The following GTF2IRD1 variants were observed in gnomAD, a reference collection of about 807,000 sequenced individuals.
GTF2IRD1 encodes the protein GTF2I repeat domain containing 1.
Under a neutral mutation model 113.2 loss-of-function variants are expected in GTF2IRD1, and 26 were observed. The ratio of observed to expected loss-of-function variants is 0.23; its 90% CI spans 0.17 to 0.32. GTF2IRD1 has a LOEUF of 0.32. Among genes scored for constraint, GTF2IRD1 ranks in the 10% least tolerant of loss-of-function variants. The pLI is 1.00. For synonymous variants in GTF2IRD1, 484 were observed against 529.1 expected (o/e 0.91, Z 1.17); for missense variants, 864 against 1,280.8 (o/e 0.67, Z 4.97).
At chr7:74,546,540 C>G (rs1346624586) in intron 16 of GTF2IRD1, among the ~76,000 whole-genome samples, 2 of 152,096 alleles carry the variant, frequency 1.3e-5, no homozygotes, top group Non-Finnish European at 2.9e-5. Context: ...TCTTGTATCC[C>G]ATCTCACAAA....
intron 10 of GTF2IRD1, 136 bp from the exon 11 acceptor site, chr7:74,536,031 C>T (rs41272924): frequency 0.1 from 59,738 of 594,562 alleles, 3,821 homozygotes; most frequent in Non-Finnish European, 0.13. Flanking sequence ...CTGGACGTGG[C>T]GCCCACAAGG....
intron 22 of GTF2IRD1, among the ~76,000 whole-genome samples, chr7:74,561,814 A>C (rs1799981929): frequency 1.3e-5 from 2 of 152,146 alleles, no homozygotes; most frequent in Admixed American, 6.6e-5. Flanking sequence ...AGCAGAGTGC[A>C]GACAGAGGAG....
intron 25 of GTF2IRD1, 77 bp downstream of exon 25, chr7:74,595,128 G>A (rs782168560): frequency 4.2e-5 from 43 of 1,033,014 alleles, no homozygotes; most frequent in Non-Finnish European, 5.5e-5. Flanking sequence ...AGGTAGACCC[G>A]GGCGCAGTGG....
intron 22 of GTF2IRD1, among the ~76,000 whole-genome samples, chr7:74,581,560 C>T (rs1197200148): frequency 2.0e-5 from 3 of 152,194 alleles, no homozygotes; most frequent in Non-Finnish European, 2.9e-5. Context: ...CAAAGGTGAC[C>T]GGGCATGCTG....
chr7:74,521,172 C>T (rs782524582), intron 6 of GTF2IRD1, 36 bp from the exon 7 acceptor site: 19 of 1,284,984 alleles, frequency 1.5e-5, no homozygotes, highest in Middle Eastern at 3.7e-4. Context: ...CTCTTGGGTC[C>T]CACCTGGAAC....
intron 22 of GTF2IRD1, among the ~76,000 whole-genome samples, chr7:74,589,214 G>A (rs1801906174): frequency 1.3e-5 from 2 of 152,102 alleles, no homozygotes; most frequent in Non-Finnish European, 2.9e-5. Context: ...TAAAAAATTA[G>A]GCATGGTGGC....
chr7:74,460,163 G>A (rs1464921600), intron 1 of GTF2IRD1, among the ~76,000 whole-genome samples: 1 of 152,082 alleles, frequency 6.6e-6, no homozygotes, highest in African/African-American at 2.4e-5. Context: ...TTTTGGTGGA[G>A]ATGGGGTTTC....
At chr7:74,488,172 A>T (rs1166380139) in intron 1 of GTF2IRD1, among the ~76,000 whole-genome samples, 1 of 152,158 alleles carries the variant, frequency 6.6e-6, no homozygotes, top group Admixed American at 6.5e-5. Context: ...GGTCCCAGCT[A>T]CTCAGGAGGC....
intron 22 of GTF2IRD1, among the ~76,000 whole-genome samples, chr7:74,577,529 A>G (rs587658897): frequency 6.6e-6 from 1 of 152,338 alleles, no homozygotes; most frequent in Admixed American, 6.5e-5. Flanking sequence ...CAATAGCATC[A>G]TCGTACTTAT....
intron 22 of GTF2IRD1, among the ~76,000 whole-genome samples, chr7:74,587,904 G>A (rs1286045732): frequency 6.6e-6 from 1 of 152,034 alleles, no homozygotes; most frequent in Non-Finnish European, 1.5e-5. Flanking sequence ...GAGAATGCAC[G>A]GCCCCCACAC....
Position 74,601,134 on chromosome 7 carries a change from C to T in GTF2IRD1, c.2720C>T (p.Ser907Phe). ...SSSSSSSSSSSSNPDSVASAN... is the reference protein window; with the variant it reads ...SSSSSSSSSSFSNPDSVASAN... ...TCCTCCTCGTCTTCCTCTTCCTCGT[C>T]CTCTAACCCGGATTCAGTGGCATCG... is the stretch of plus-strand genomic sequence containing the variant. Residue 907 changes from serine to phenylalanine, a missense_variant, in exon 26 of 27, where the codon TCC becomes TTC. Ser to Phe is a radical substitution (Grantham distance 155). Around this residue, in one of 7 missense-constraint regions of GTF2IRD1, gnomAD observed 55 missense variants for 52.2 expected, o/e 1.05. Coordinates refer to ENST00000424337, the MANE Select transcript of GTF2IRD1 (RefSeq NM_005685.4). 6.2e-7 allele frequency: 1 copy of T among 1,611,870 alleles called. No individual in the cohort carries two copies. Among genetic ancestry groups the T allele is most frequent in the South Asian group, 1.1e-5 (1 of 90,766 alleles).
intron 22 of GTF2IRD1, among the ~76,000 whole-genome samples, chr7:74,582,199 C>G (rs782073945): frequency 1.3e-5 from 2 of 152,156 alleles, no homozygotes; most frequent in Non-Finnish European, 2.9e-5. Context: ...CTGTTCAGAT[C>G]GAGACGTTGC....
At chr7:74,598,971 C>T (rs1554373170) in intron 25 of GTF2IRD1, among the ~76,000 whole-genome samples, 1 of 152,162 alleles carries the variant, frequency 6.6e-6, no homozygotes, top group Non-Finnish European at 1.5e-5. Context: ...GCCCCATGGA[C>T]CCAGCCTGCC....
At chr7:74,507,065 A>T (rs1554341267) in intron 1 of GTF2IRD1, 1 of 152,176 alleles carries the variant, frequency 6.6e-6, no homozygotes, top group Non-Finnish European at 1.5e-5. Flanking sequence ...TGATGCAGAA[A>T]TGTGACGGCA....
chr7:74,570,446 A>C (rs1269116612), intron 22 of GTF2IRD1, among the ~76,000 whole-genome samples: 1 of 151,764 alleles, frequency 6.6e-6, no homozygotes, highest in Non-Finnish European at 1.5e-5. Context: ...GATTGCTTGA[A>C]GCCAGGAGAC....
At chr7:74,515,405 T>C in intron 3 of GTF2IRD1, 36 bp from the exon 4 acceptor site, 2 of 1,554,388 alleles carry the variant, frequency 1.3e-6, no homozygotes, top group Non-Finnish European at 1.7e-6. Flanking sequence ...GTGAGACGGG[T>C]GCTCACTGTG....
rs1400247016 is a variant in GTF2IRD1, at chr7:74,508,026, C to T, written c.-6-49C>T. ...TGGGGTGGGCAGCCACCATATGAGA[C>T]AAGCCCCCTGCCTTGTGCCCACCAC... On this transcript the variant is annotated intron_variant, in intron 1 of 26. Transcript: ENST00000424337. 1.1e-5 allele frequency: 18 copies of T among 1,566,718 alleles called. No homozygotes were observed. In the South Asian group the frequency reaches 1.3e-4, roughly 11 times the overall value.
At chr7:74,498,203 C>G (rs1486030993) in intron 1 of GTF2IRD1, among the ~76,000 whole-genome samples, 4 of 149,058 alleles carry the variant, frequency 2.7e-5, no homozygotes, top group African/African-American at 9.9e-5. Context: ...ATGTCTCGCT[C>G]TGTTGCCCAG....
At position 74,518,413 on chromosome 7, in the gene GTF2IRD1, G is replaced by A. The variant is rs1296235069; in HGVS notation, c.605+91G>A. On this transcript the variant is annotated intron_variant, in intron 5 of 26. Coordinates refer to ENST00000424337, the MANE Select transcript of GTF2IRD1 (RefSeq NM_005685.4). Reference sequence around the variant, plus strand: ...TGGAGGCCACTTAGCCAGAGGGGAAGGGACTTGAGATGCCCGTGGGGGACC... The same window carrying A: ...TGGAGGCCACTTAGCCAGAGGGGAAAGGACTTGAGATGCCCGTGGGGGACC... 6 of 1,068,574 alleles carry A rather than the reference G, an allele frequency of 5.6e-6. No homozygotes were observed. The African/African-American group carries it at 9.6e-5, about 17-fold the overall frequency. The allele number at this position is 1,068,574 out of a possible 1,614,324, so 66.2% of individuals were successfully genotyped here.
Sources: allele counts gnomAD v4.1 joint callset (sites outside exome capture counted in the v4.1 genomes callset), GRCh38; gene constraint gnomAD v4.1.1; regional missense constraint gnomAD v4.1.1; transcripts MANE v1.5; gene names NCBI Gene and HGNC (gene_info 2026-07-23, HGNC 2026-07-21).